Variants in TNRC18 observed in about 807,000 individuals in gnomAD.
TNRC18 encodes trinucleotide repeat containing 18.
TNRC18 carries 69 observed loss-of-function variants against 226.7 expected under a neutral mutation model. The ratio of observed to expected loss-of-function variants is 0.30; its 90% CI spans 0.25 to 0.37. The LOEUF is 0.37. Among genes scored for constraint, TNRC18 ranks in the 10% least tolerant of loss-of-function variants. TNRC18 has a pLI of 1.00. For synonymous variants in TNRC18, 2,449 were observed against 1,927.6 expected, an observed-to-expected ratio of 1.27 and a Z score of -7.09; for missense variants, 4,754 against 4,256.6, an observed-to-expected ratio of 1.12 and a Z score of -3.25.
intron 16 of TNRC18, among the ~76,000 whole-genome samples, chr7:5,356,614 GC>G (rs1396285645): frequency 6.6e-6 from 1 of 152,240 alleles, no homozygotes; most frequent in Non-Finnish European, 1.5e-5. Flanking sequence ...TAGGCAAATG[GC>G]GGGCGGGCAA....
intron 4 of TNRC18, chr7:5,389,959 A>C: frequency 6.1e-6 from 1 of 165,164 alleles, no homozygotes; most frequent in Non-Finnish European, 1.3e-5. Context: ...GTTTGTTTTC[A>C]AAGTTGCCCG....
chr7:5,327,909 G>A (rs186526970), intron 19 of TNRC18, among the ~76,000 whole-genome samples: 4 of 152,210 alleles, frequency 2.6e-5, no homozygotes, highest in East Asian at 1.9e-4. Context: ...GCAGGCAGTG[G>A]GATGGCATTC....
At chr7:5,336,193 C>T (rs1331578318) in intron 18 of TNRC18, among the ~76,000 whole-genome samples, 2 of 144,940 alleles carry the variant, frequency 1.4e-5, no homozygotes, top group Admixed American at 7.1e-5. Flanking sequence ...GGCAACAGAG[C>T]GAGACTCTGT....
At chr7:5,352,174 T>C in intron 16 of TNRC18, 80 bp from the exon 17 acceptor site, 4 of 1,418,724 alleles carry the variant, frequency 2.8e-6, no homozygotes, top group Non-Finnish European at 3.8e-6. Context: ...TTAATGGTTC[T>C]GAGAACGTAC....
chr7:5,347,024 G>A (rs1177516588), intron 17 of TNRC18, among the ~76,000 whole-genome samples: 3 of 151,766 alleles, frequency 2.0e-5, no homozygotes, highest in Admixed American at 6.6e-5. Flanking sequence ...GAGCAGGCTC[G>A]AACCCAGAGC....
intron 16 of TNRC18, among the ~76,000 whole-genome samples, chr7:5,355,867 G>A (rs2128152512): frequency 6.6e-6 from 1 of 152,082 alleles, no homozygotes; most frequent in South Asian, 2.1e-4. Context: ...AATAAGAAGA[G>A]ACCCTGTCTC....
At chr7:5,321,020 A>G in intron 22 of TNRC18, 53 bp downstream of exon 22, 1 of 1,314,244 alleles carries the variant, frequency 7.6e-7, no homozygotes, top group Non-Finnish European at 1.1e-6. Flanking sequence ...CGGCCGGGAC[A>G]CGGGGCGGGT....
intron 11 of TNRC18, among the ~76,000 whole-genome samples, chr7:5,366,688 T>C (rs754055303): frequency 3.9e-5 from 6 of 152,082 alleles, no homozygotes; most frequent in Admixed American, 1.3e-4. Context: ...CTCCCAAAGG[T>C]TGATGTTAGA....
rs531788890 is a variant in TNRC18, at chr7:5,370,126, G to A, written c.4219+249C>T. On this transcript the variant is annotated intron_variant, in intron 11 of 29. Transcript: ENST00000430969. Reference sequence around the variant, plus strand: ...AGTCCAGGAGTTTGAGACCAGACTGGGCAACAGAGCAAGACCCCATCTCTA... The same window carrying A: ...AGTCCAGGAGTTTGAGACCAGACTGAGCAACAGAGCAAGACCCCATCTCTA... Among the ~76,000 whole-genome samples, 10 of 152,028 alleles carry A rather than the reference G, an allele frequency of 6.6e-5. No individual in the cohort carries two copies. In the South Asian group the frequency reaches 1.9e-3, roughly 29 times the overall value.
At chr7:5,368,266 C>T (rs1015556616) in intron 11 of TNRC18, among the ~76,000 whole-genome samples, 1 of 150,058 alleles carries the variant, frequency 6.7e-6, no homozygotes, top group African/African-American at 2.5e-5. Context: ...CAAGAGTTCG[C>T]GACCAGCCTG....
rs67183154 is a variant in TNRC18, at chr7:5,314,563, C to CTT, written c.7027+419_7027+420dup. 7.5e-3 allele frequency among the ~76,000 whole-genome samples: 597 copies of CTT among 79,658 alleles called. 70 individuals are homozygous for CTT. The highest frequency in any genetic ancestry group is 8.5e-3 in the Non-Finnish European group (362 of 42,392). 52.3% of individuals were successfully genotyped at this position (79,658 alleles called of 152,430 possible). A position where few individuals can be genotyped will look rare whatever the true frequency, so the allele number is the denominator to read the frequency against. ...TGCAGTGCAGGTGCAGAGTTCTCTT[C>CTT]TTTTTTTTTTTTTTTTTTTTTTTTT... On this transcript the variant is annotated intron_variant, in intron 26 of 29. Coordinates refer to ENST00000430969, the MANE Select transcript of TNRC18 (RefSeq NM_001080495.3).
At chr7:5,362,321 G>T (rs981862600) in intron 12 of TNRC18, among the ~76,000 whole-genome samples, 1 of 152,188 alleles carries the variant, frequency 6.6e-6, no homozygotes, top group African/African-American at 2.4e-5. Context: ...TTTATAAACG[G>T]AAGGCTCAGC....
At chr7:5,327,232 G>A (rs1789004001) in intron 19 of TNRC18, among the ~76,000 whole-genome samples, 1 of 152,132 alleles carries the variant, frequency 6.6e-6, no homozygotes, top group Admixed American at 6.6e-5. Context: ...GACAACAACA[G>A]AAGTCACAGC....
rs546794492 is a variant in TNRC18, at chr7:5,390,847, T to TC, written c.344-220dup. Reference sequence around the variant, plus strand: ...CCTCACGGGGGACTGGGGTCTCCAGTCCCCCCCAGAAAGAGGATCAGAATG... The same window carrying TC: ...CCTCACGGGGGACTGGGGTCTCCAGTCCCCCCCCAGAAAGAGGATCAGAATG... On this transcript the variant is annotated intron_variant, in intron 3 of 29. Coordinates refer to ENST00000430969, the MANE Select transcript of TNRC18 (RefSeq NM_001080495.3). 2.3e-4 allele frequency among the ~76,000 whole-genome samples: 34 copies of TC among 150,804 alleles called. No individual in the cohort carries two copies. The East Asian group carries it at 4.9e-3, about 22-fold the overall frequency.
At chr7:5,311,245 G>C (rs73316804) in intron 27 of TNRC18, among the ~76,000 whole-genome samples, 8,778 of 152,264 alleles carry the variant, frequency 0.058, 865 homozygotes, top group African/African-American at 0.2. Context: ...GTGTGCAAGT[G>C]TGTGTGCGTG....
In TNRC18 at chr7:5,370,696, C is replaced by T. The variant is rs533386033; in HGVS notation, c.3898G>A (p.Ala1300Thr). The T allele has an allele frequency of 1.1e-5, 17 of 1,611,112 alleles. No individual in the cohort carries two copies. In the East Asian group the frequency reaches 1.6e-4, roughly 15 times the overall value. Reference protein sequence around the residue: ...TLEMSDCDVPAGEGQCPSLEP... With the variant: ...TLEMSDCDVPTGEGQCPSLEP... ...AGGCTCGGGCACTGTCCCTCCCCGG[C>T]GGGCACGTCACAGTCTGACATTTCT... The change falls in exon 11 of 30, where the codon GCC (alanine) becomes ACC (threonine). Residue 1300 changes from alanine to threonine, a missense_variant. Ala to Thr is a moderately conservative substitution (Grantham distance 58). Transcript: ENST00000430969.
intron 18 of TNRC18, among the ~76,000 whole-genome samples, chr7:5,341,997 C>T (rs1790733068): frequency 6.6e-6 from 1 of 152,176 alleles, no homozygotes; most frequent in South Asian, 2.1e-4. Flanking sequence ...GCCCATTCTG[C>T]AGCCCATAGA....
At chr7:5,397,631 C>G (rs1423739580) in intron 2 of TNRC18, among the ~76,000 whole-genome samples, 1 of 152,228 alleles carries the variant, frequency 6.6e-6, no homozygotes, top group Non-Finnish European at 1.5e-5. Context: ...AACAAACAAA[C>G]TTCTCCCTGG....
At chr7:5,320,699 T>G in intron 22 of TNRC18, 92 bp from the exon 23 acceptor site, 1 of 1,080,942 alleles carries the variant, frequency 9.3e-7, no homozygotes, top group South Asian at 1.5e-5. Context: ...CCTAGACCAC[T>G]GGGAGGTAAC....
Sources: gnomAD v4.1 joint callset for allele counts (sites outside exome capture counted in the v4.1 genomes callset) on GRCh38, gnomAD v4.1.1 for gene constraint, MANE v1.5 for transcripts, NCBI Gene and HGNC (gene_info 2026-07-23, HGNC 2026-07-21) for gene names.